VPS13B: variants seen among roughly 807,000 people sequenced by gnomAD.
VPS13B encodes the protein vacuolar protein sorting 13 homolog B, also known as intermembrane lipid transfer protein VPS13B.
Under a neutral mutation model 426.4 loss-of-function variants are expected in VPS13B, and 285 were observed. The ratio of observed to expected loss-of-function variants is 0.67; its 90% CI spans 0.61 to 0.74. The LOEUF (loss-of-function observed/expected upper bound fraction) is 0.74. Ranked by LOEUF, VPS13B falls within the 30% of genes least tolerant of loss-of-function variation. The pLI is 0.00. For missense variants in VPS13B, 4,537 were observed against 4,782.6 expected (o/e 0.95, Z 1.51); for synonymous variants, 1,676 against 1,676.4 (o/e 1.00, Z 0.01).
At chr8:99,432,940 A>G (rs1171438272) in intron 22 of VPS13B, among the ~76,000 whole-genome samples, 3 of 152,230 alleles carry the variant, frequency 2.0e-5, no homozygotes, top group African/African-American at 7.2e-5. Flanking sequence ...AAACTAATGC[A>G]GTCCTGTCCT....
chr8:99,192,360 C>A (rs1813649373), intron 16 of VPS13B, among the ~76,000 whole-genome samples: 1 of 152,130 alleles, frequency 6.6e-6, no homozygotes, highest in African/African-American at 2.4e-5. Context: ...ATCAGGTTGC[C>A]TGGATTTAAA....
At chr8:99,229,231 C>G (rs542104733) in intron 17 of VPS13B, among the ~76,000 whole-genome samples, 1 of 152,304 alleles carries the variant, frequency 6.6e-6, no homozygotes, top group African/African-American at 2.4e-5. Context: ...GCAGGGACCT[C>G]TGGAACAAAG....
chr8:99,689,403 A>G (rs180688718), intron 35 of VPS13B, among the ~76,000 whole-genome samples: 9 of 152,332 alleles, frequency 5.9e-5, no homozygotes, highest in African/African-American at 1.9e-4. Context: ...TAATATCAGT[A>G]GGTGCCTGGT....
chr8:99,437,581 G>A (rs1817451434), intron 22 of VPS13B, among the ~76,000 whole-genome samples: 1 of 152,026 alleles, frequency 6.6e-6, no homozygotes, highest in African/African-American at 2.4e-5. Context: ...AGCTGGGCTT[G>A]GTGGTGCCCA....
At chr8:99,471,404 A>G (rs1305128197) in intron 24 of VPS13B, among the ~76,000 whole-genome samples, 1 of 152,154 alleles carries the variant, frequency 6.6e-6, no homozygotes, top group African/African-American at 2.4e-5. Context: ...ATGGTTGCCA[A>G]GTTTCTACAT....
intron 39 of VPS13B, among the ~76,000 whole-genome samples, chr8:99,760,684 G>A (rs555934215): frequency 9.2e-5 from 14 of 152,130 alleles, no homozygotes; most frequent in African/African-American, 2.4e-4. Flanking sequence ...GTTTTATTTC[G>A]ATGTGTTAAG....
intron 21 of VPS13B, among the ~76,000 whole-genome samples, chr8:99,430,703 C>CCG (rs1491288252): frequency 3.9e-5 from 4 of 101,840 alleles, no homozygotes; most frequent in African/African-American, 2.9e-4. Flanking sequence ...TCAAAATCCA[C>CCG]CCCCCCCCCA....
chr8:99,387,941 G>C (rs187954411), intron 20 of VPS13B, among the ~76,000 whole-genome samples: 6 of 152,314 alleles, frequency 3.9e-5, no homozygotes, highest in Non-Finnish European at 2.9e-5. Context: ...AAGGAATACT[G>C]TGTAAGCCTG....
chr8:99,325,644 G>GA (rs1353774445), intron 19 of VPS13B, among the ~76,000 whole-genome samples: 1 of 152,192 alleles, frequency 6.6e-6, no homozygotes. Flanking sequence ...CATCTCAGGG[G>GA]AGAGTTATTA....
intron 31 of VPS13B, among the ~76,000 whole-genome samples, chr8:99,568,984 TTTG>T (rs1651858810): frequency 1.3e-5 from 2 of 151,626 alleles, no homozygotes; most frequent in Admixed American, 6.6e-5. Context: ...GCTAATTTTT[TTTG>T]TTGTTGTTGT....
chr8:99,820,033 G>A lies in VPS13B; in HGVS notation c.8905G>A (p.Glu2969Lys). 2 of 1,614,008 alleles carry A rather than the reference G, an allele frequency of 1.2e-6. No homozygotes were observed. The highest frequency in any genetic ancestry group is 1.7e-6 in the Non-Finnish European group (2 of 1,179,916). The change falls in exon 49 of 62, where the codon GAA becomes AAA. Residue 2969 changes from glutamate to lysine, a missense_variant. By Grantham distance (56) the Glu-to-Lys change is moderately conservative (BLOSUM62 1). Around this residue, in one of 2 missense-constraint regions of VPS13B, gnomAD observed 4,311 missense variants for 4,474.3 expected, o/e 0.96. Coordinates refer to ENST00000357162, the MANE Select transcript of VPS13B (RefSeq NM_152564.5). ...ELLPWALLIN[E>K]SKWDLWLFEG... ...TCTGCCCTGGGCCCTGCTTATCAAT[G>A]AATCCAAATGGGACCTCTGGCTATT... is the stretch of plus-strand genomic sequence containing the variant.
intron 19 of VPS13B, among the ~76,000 whole-genome samples, chr8:99,277,163 C>T (rs931871083): frequency 6.6e-6 from 1 of 151,950 alleles, no homozygotes; most frequent in Non-Finnish European, 1.5e-5. Context: ...ACCTAATCTG[C>T]AACATTAGTG....
In VPS13B at chr8:99,875,850, T is replaced by A. The variant is rs1056747194; in HGVS notation, c.*184T>A. ...CATAAAGGGCTGCATTTTGCCACCA[T>A]AAAGGGCTGCATTTTTTTAAAAAGC... On this transcript the variant is annotated 3_prime_UTR_variant, in exon 62 of 62. Transcript: ENST00000357162. The A allele has an allele frequency of 1.4e-6, 1 of 709,898 alleles. No homozygotes were observed. Among genetic ancestry groups the A allele is most frequent in the Non-Finnish European group, 2.3e-6 (1 of 435,844 alleles). The allele number at this position is 709,898 out of a possible 1,614,324, so 44.0% of individuals were successfully genotyped here.
chr8:99,567,455 T>G, intron 31 of VPS13B, among the ~76,000 whole-genome samples: 1 of 151,338 alleles, frequency 6.6e-6, no homozygotes, highest in East Asian at 1.9e-4. Flanking sequence ...GTTCTTTTGT[T>G]TTGGCAGGAA....
intron 33 of VPS13B, among the ~76,000 whole-genome samples, chr8:99,640,040 G>GAGAA (rs1829264592): frequency 3.6e-5 from 4 of 110,946 alleles, no homozygotes; most frequent in Non-Finnish European, 7.2e-5. Context: ...AGAAGAAGAA[G>GAGAA]AAGAAGAAGA....
At chr8:99,415,555 ACCTT>A (rs1233975732) in intron 21 of VPS13B, among the ~76,000 whole-genome samples, 2 of 151,966 alleles carry the variant, frequency 1.3e-5, no homozygotes, top group African/African-American at 4.8e-5. Context: ...GGATTTATCT[ACCTT>A]TGGTCTTTGA....
intron 19 of VPS13B, among the ~76,000 whole-genome samples, chr8:99,279,444 AAG>A (rs1336418517): frequency 1.3e-5 from 2 of 151,846 alleles, no homozygotes; most frequent in African/African-American, 4.8e-5. Context: ...ATTTTTAGTA[AAG>A]ATGGGGTTTC....
At chr8:99,349,190 G>A (rs1272253215) in intron 19 of VPS13B, among the ~76,000 whole-genome samples, 11 of 148,896 alleles carry the variant, frequency 7.4e-5, no homozygotes, top group Admixed American at 6.7e-5. Flanking sequence ...AAAATTAGCC[G>A]GGCGTAGTGG....
intron 41 of VPS13B, among the ~76,000 whole-genome samples, chr8:99,777,453 A>C (rs1811797731): frequency 2.0e-5 from 3 of 152,200 alleles, no homozygotes; most frequent in Admixed American, 2.0e-4. Flanking sequence ...TATAACCATC[A>C]GATCTCGTGA....
Sources: gnomAD v4.1 joint callset for allele counts (sites outside exome capture counted in the v4.1 genomes callset) on GRCh38, gnomAD v4.1.1 for gene constraint, gnomAD v4.1.1 regional missense constraint, MANE v1.5 for transcripts, NCBI Gene and HGNC (gene_info 2026-07-23, HGNC 2026-07-21) for gene names.